AMBRA1: variants seen among roughly 807,000 people sequenced by gnomAD.
AMBRA1 encodes the protein autophagy and beclin 1 regulator 1.
Under a neutral mutation model 125.4 loss-of-function variants are expected in AMBRA1, and 47 were observed. The observed-to-expected ratio is 0.37, with a 90% confidence interval of 0.30 to 0.48. The LOEUF is 0.48. Ranked by LOEUF, AMBRA1 falls within the 20% of genes least tolerant of loss-of-function variation. The pLI is 0.99. For synonymous variants in AMBRA1, 626 were observed against 655.5 expected, an observed-to-expected ratio of 0.95 and a Z score of 0.69; for missense variants, 1,331 against 1,693.4, an observed-to-expected ratio of 0.79 and a Z score of 3.76.
At chr11:46,402,565 C>G (rs1945816264) in intron 17 of AMBRA1, among the ~76,000 whole-genome samples, 1 of 152,038 alleles carries the variant, frequency 6.6e-6, no homozygotes, top group Non-Finnish European at 1.5e-5. Flanking sequence ...GGGGTTTCAC[C>G]ACATTGGCCA....
In AMBRA1 at chr11:46,568,584, C is replaced by T. The variant is rs187679540; in HGVS notation, c.-120-20084G>A. Among the ~76,000 whole-genome samples the T allele has an allele frequency of 6.8e-3, 1,026 of 151,868 alleles. 1 individual carries two copies. The highest frequency in any genetic ancestry group is 0.021 in the South Asian group (101 of 4,810). On this transcript the variant is annotated intron_variant, in intron 1 of 17. Transcript: ENST00000683756. ...GGTCAGGAGTTTGAGACCAGCCTGA[C>T]CAACAGAGACACCCCATCTCTACTA...
In AMBRA1 at chr11:46,401,284, A is replaced by G. The variant is rs147084075; in HGVS notation, c.3404-3341T>C. 5.8e-3 allele frequency among the ~76,000 whole-genome samples: 889 copies of G among 152,212 alleles called. 5 individuals carry two copies. Among genetic ancestry groups the G allele is most frequent in the Admixed American group, 0.01 (156 of 15,288 alleles). The stretch of plus-strand genomic sequence containing the variant: ...GAGACAGAGTCTCGCTCTGTCGCCC[A>G]GACTGGAGTGCAGTGACATGATCTC... On this transcript the variant is annotated intron_variant, in intron 17 of 17. Coordinates refer to ENST00000683756, the MANE Select transcript of AMBRA1 (RefSeq NM_001387011.1).
chr11:46,517,557 G>A (rs1322937775), intron 7 of AMBRA1, among the ~76,000 whole-genome samples: 2 of 141,152 alleles, frequency 1.4e-5, no homozygotes, highest in Admixed American at 7.5e-5. Context: ...TAAACAGGCC[G>A]GGTGCAGTGG....
intron 11 of AMBRA1, among the ~76,000 whole-genome samples, chr11:46,483,747 A>G (rs1950164114): frequency 6.6e-6 from 1 of 152,106 alleles, no homozygotes; most frequent in African/African-American, 2.4e-5. Context: ...TACAAATACA[A>G]AAATTAGCTG....
chr11:46,488,461 CAA>C (rs74910564), intron 11 of AMBRA1, among the ~76,000 whole-genome samples: 10 of 139,996 alleles, frequency 7.1e-5, no homozygotes, highest in African/African-American at 2.3e-4. Context: ...CAAAACAAAA[CAA>C]AAAAAAAAAC....
intron 7 of AMBRA1, among the ~76,000 whole-genome samples, chr11:46,534,249 T>C (rs1952357588): frequency 6.6e-6 from 1 of 151,172 alleles, no homozygotes; most frequent in South Asian, 2.1e-4. Context: ...TCCCAGAACT[T>C]TGGGAGGCCG....
At chr11:46,434,236 A>G (rs1176521226) in intron 13 of AMBRA1, among the ~76,000 whole-genome samples, 2 of 151,910 alleles carry the variant, frequency 1.3e-5, no homozygotes, top group Non-Finnish European at 2.9e-5. Context: ...TTTTTCATTT[A>G]ATACATTATG....
intron 1 of AMBRA1, among the ~76,000 whole-genome samples, chr11:46,578,322 A>G (rs1483778528): frequency 1.3e-5 from 2 of 151,856 alleles, no homozygotes; most frequent in Non-Finnish European, 2.9e-5. Flanking sequence ...CCCTGTCTCC[A>G]CTAAAAATAC....
intron 1 of AMBRA1, among the ~76,000 whole-genome samples, chr11:46,582,228 C>G (rs2044201066): frequency 6.6e-6 from 1 of 152,092 alleles, no homozygotes; most frequent in African/African-American, 2.4e-5. Flanking sequence ...CCATATCAAC[C>G]TTCTTCCAGT....
At chr11:46,466,876 TC>T (rs1044180125) in intron 11 of AMBRA1, among the ~76,000 whole-genome samples, 54 of 152,034 alleles carry the variant, frequency 3.6e-4, no homozygotes, top group Admixed American at 3.1e-3. Flanking sequence ...TAATTAACCA[TC>T]ATATTTCTAA....
At chr11:46,467,466 A>G (rs1192329041) in intron 11 of AMBRA1, among the ~76,000 whole-genome samples, 2 of 152,000 alleles carry the variant, frequency 1.3e-5, no homozygotes, top group Non-Finnish European at 2.9e-5. Context: ...ATCACTTACT[A>G]ATCATCACTC....
chr11:46,497,048 T>A (rs1204024382), intron 9 of AMBRA1, among the ~76,000 whole-genome samples: 8 of 151,678 alleles, frequency 5.3e-5, no homozygotes, highest in African/African-American at 1.5e-4. Flanking sequence ...GAGGCGGAGG[T>A]TGCAGTGAGC....
intron 13 of AMBRA1, among the ~76,000 whole-genome samples, chr11:46,434,115 CA>C (rs145761376): frequency 0.056 from 2,984 of 53,596 alleles, 52 homozygotes; most frequent in African/African-American, 0.18. Flanking sequence ...AACTCCGTCT[CA>C]AAAAAAAAAA....
At chr11:46,406,190 A>T (rs2136604775) in intron 17 of AMBRA1, among the ~76,000 whole-genome samples, 1 of 151,640 alleles carries the variant, frequency 6.6e-6, no homozygotes, top group East Asian at 2.0e-4. Flanking sequence ...AGTAGCTGGG[A>T]TTACAGGTGC....
intron 8 of AMBRA1, among the ~76,000 whole-genome samples, chr11:46,508,940 G>A (rs1228492719): frequency 6.6e-6 from 1 of 152,090 alleles, no homozygotes; most frequent in Non-Finnish European, 1.5e-5. Flanking sequence ...ATGATCTCTT[G>A]GAACCTCTTT....
chr11:46,464,661 G>C (rs1458785652), intron 11 of AMBRA1, among the ~76,000 whole-genome samples: 1 of 151,862 alleles, frequency 6.6e-6, no homozygotes, highest in Non-Finnish European at 1.5e-5. Flanking sequence ...TACCTCCCAG[G>C]GTTAGTTACT....
At chr11:46,497,330 G>A (rs1950671227) in intron 9 of AMBRA1, among the ~76,000 whole-genome samples, 1 of 152,078 alleles carries the variant, frequency 6.6e-6, no homozygotes, top group African/African-American at 2.4e-5. Context: ...TCAAATACAC[G>A]CAGTCTCAGA....
At position 46,543,532 on chromosome 11, in the gene AMBRA1, C is replaced by T. The variant is rs553631418; in HGVS notation, c.619-134G>A. The T allele has an allele frequency of 2.4e-5, 28 of 1,158,616 alleles. No individual in the cohort carries two copies. In the African/African-American group the frequency reaches 3.7e-4, roughly 15 times the overall value. The allele number at this position is 1,158,616 out of a possible 1,614,324, so 71.8% of individuals were successfully genotyped here. ...TTCATAGGTAGGAAACAACTCTCTA[C>T]CCCTGAAGCACTGACAACTGGCCTC... On this transcript the variant is annotated intron_variant, in intron 6 of 17. Transcript: ENST00000683756.
chr11:46,512,976 CAAAT>C (rs1307971916), intron 7 of AMBRA1, among the ~76,000 whole-genome samples, 163 bp from the exon 8 acceptor site: 3 of 152,188 alleles, frequency 2.0e-5, no homozygotes, highest in East Asian at 3.8e-4. Context: ...GGTAGAGACA[CAAAT>C]AAATGAAGAG....
Sources: gnomAD v4.1 joint callset for allele counts (sites outside exome capture counted in the v4.1 genomes callset) on GRCh38, gnomAD v4.1.1 for gene constraint, MANE v1.5 for transcripts, NCBI Gene and HGNC (gene_info 2026-07-23, HGNC 2026-07-21) for gene names.